The following SRGAP2C variants were observed in gnomAD, a reference collection of about 807,000 sequenced individuals.
SRGAP2C encodes SLIT-ROBO Rho GTPase activating protein 2C.
A neutral mutation model predicts 25.1 loss-of-function variants in SRGAP2C; 15 were observed. That is an observed-to-expected ratio of 0.60 (90% CI 0.40 to 0.92). The LOEUF is 0.92. Among genes scored for constraint, SRGAP2C ranks in the 40% least tolerant of loss-of-function variants. The pLI is 0.00. For synonymous variants in SRGAP2C, 44 were observed against 96.6 expected, an observed-to-expected ratio of 0.46 and a Z score of 3.19; for missense variants, 144 against 264.4, an observed-to-expected ratio of 0.54 and a Z score of 3.16.
At position 121,273,734 on chromosome 1, in the gene SRGAP2C, A is replaced by G. The variant is rs71661961; in HGVS notation, c.68-11069A>G. Among the ~76,000 whole-genome samples the G allele has an allele frequency of 7.9e-5, 12 of 151,958 alleles. No homozygotes were observed. The South Asian group carries it at 1.7e-3, about 21-fold the overall frequency. ...AGGAGGGAAAATATTTCATTCTTCA[A>G]TTTCTATCTCCTGTAGGTCAAAGTT... On this transcript the variant is annotated intron_variant, in intron 2 of 9. Transcript: ENST00000367123.
chr1:121,321,015 C>T (rs1262748437), intron 3 of SRGAP2C, among the ~76,000 whole-genome samples: 5 of 151,926 alleles, frequency 3.3e-5, no homozygotes, highest in East Asian at 1.9e-4. Flanking sequence ...CACACACAGG[C>T]GTGAATGAAA....
chr1:121,211,803 G>A (rs1553323817), intron 2 of SRGAP2C, among the ~76,000 whole-genome samples: 2 of 121,674 alleles, frequency 1.6e-5, no homozygotes, highest in Non-Finnish European at 3.4e-5. Flanking sequence ...ATTAATTACG[G>A]AAATGCCTCA....
intron 4 of SRGAP2C, among the ~76,000 whole-genome samples, chr1:121,335,307 C>T (rs1179082827): frequency 7.0e-6 from 1 of 143,642 alleles, no homozygotes; most frequent in East Asian, 2.2e-4. Flanking sequence ...TGCCACTGCA[C>T]TCCAGCCTGG....
At chr1:121,225,718 T>TC (rs1263631398) in intron 2 of SRGAP2C, among the ~76,000 whole-genome samples, 1 of 151,090 alleles carries the variant, frequency 6.6e-6, no homozygotes, top group Non-Finnish European at 1.5e-5. Context: ...TTTAAAACTT[T>TC]TTTTTTTTTT....
At chr1:121,220,213 G>GTTT (rs1655488241) in intron 2 of SRGAP2C, among the ~76,000 whole-genome samples, 1 of 151,856 alleles carries the variant, frequency 6.6e-6, no homozygotes, top group African/African-American at 2.4e-5. Flanking sequence ...TGCTGGCCAT[G>GTTT]GTAGGTAAAG....
chr1:121,320,754 A>T (rs1658183177), intron 3 of SRGAP2C, among the ~76,000 whole-genome samples: 1 of 152,184 alleles, frequency 6.6e-6, no homozygotes, highest in Admixed American at 6.5e-5. Context: ...TTTGTTTTAA[A>T]GTTGAGTCAC....
chr1:121,273,978 C>G (rs1213134424), intron 2 of SRGAP2C, among the ~76,000 whole-genome samples: 1 of 151,404 alleles, frequency 6.6e-6, no homozygotes, highest in African/African-American at 2.4e-5. Flanking sequence ...CAGACTGTTT[C>G]AGCCAGCAGC....
chr1:121,328,903 AAAC>A (rs1553341908), intron 4 of SRGAP2C, among the ~76,000 whole-genome samples: 32,291 of 105,066 alleles, frequency 0.31, 5,692 homozygotes, highest in Non-Finnish European at 0.38. Flanking sequence ...AAAAAAAAAA[AAAC>A]AAAAAACAAA....
chr1:121,308,170 C>A (rs1657886574), intron 3 of SRGAP2C, among the ~76,000 whole-genome samples: 2 of 111,060 alleles, frequency 1.8e-5, no homozygotes, highest in African/African-American at 6.5e-5. Context: ...AATGTAATAA[C>A]CACCACAATG....
At chr1:121,314,380 C>G (rs1245314176) in intron 3 of SRGAP2C, among the ~76,000 whole-genome samples, 88 of 151,990 alleles carry the variant, frequency 5.8e-4, no homozygotes, top group Non-Finnish European at 1.0e-3. Context: ...AATTTCCTCC[C>G]GTAGCTCAGA....
At chr1:121,213,149 G>T (rs1259505053) in intron 2 of SRGAP2C, among the ~76,000 whole-genome samples, 1 of 148,530 alleles carries the variant, frequency 6.7e-6, no homozygotes, top group Non-Finnish European at 1.5e-5. Context: ...AGGTTCAAAT[G>T]ATTTTTGTGC....
At chr1:121,190,032 G>C (rs1553319528) in intron 2 of SRGAP2C, among the ~76,000 whole-genome samples, 2 of 150,560 alleles carry the variant, frequency 1.3e-5, no homozygotes, top group African/African-American at 4.9e-5. Flanking sequence ...CTGGCGATTG[G>C]CCATACAGCT....
intron 4 of SRGAP2C, among the ~76,000 whole-genome samples, chr1:121,329,707 C>G (rs1365350431): frequency 1.3e-5 from 2 of 149,232 alleles, no homozygotes; most frequent in Non-Finnish European, 3.0e-5. Flanking sequence ...AAGGGAGGCT[C>G]CTTGCTAGCC....
chr1:121,301,164 AGAT>A (rs1337578038), intron 3 of SRGAP2C, among the ~76,000 whole-genome samples: 19 of 113,174 alleles, frequency 1.7e-4, no homozygotes, highest in Admixed American at 1.6e-3. Context: ...GTTTCCAGCC[AGAT>A]GATAAGTGCT....
At chr1:121,225,842 T>G (rs1655652957) in intron 2 of SRGAP2C, among the ~76,000 whole-genome samples, 1 of 140,610 alleles carries the variant, frequency 7.1e-6, no homozygotes, top group Middle Eastern at 3.5e-3. Context: ...GTAGCTGGGA[T>G]TACAGGCGCC....
In SRGAP2C at chr1:121,267,526, T is replaced by C; in HGVS notation, c.68-17277T>C. Among the ~76,000 whole-genome samples, 3 of 140,558 alleles carry C rather than the reference T, an allele frequency of 2.1e-5. No homozygotes were observed. In the Admixed American group the frequency reaches 2.2e-4, roughly 10 times the overall value. 92.2% of individuals were successfully genotyped at this position (140,558 alleles called of 152,430 possible). ...TTTTGGGTTTCAGGATGCCAACAGATCCTGGATTCTGGCATCTGGATTATG... is the reference window on the plus strand; with the variant it reads ...TTTTGGGTTTCAGGATGCCAACAGACCCTGGATTCTGGCATCTGGATTATG... On this transcript the variant is annotated intron_variant, in intron 2 of 9. Transcript: ENST00000367123.
chr1:121,340,712 C>T (rs1394287632), intron 4 of SRGAP2C, among the ~76,000 whole-genome samples: 5 of 151,290 alleles, frequency 3.3e-5, no homozygotes, highest in Admixed American at 6.6e-5. Flanking sequence ...AGAATTGGGC[C>T]GATGTTCTTT....
At chr1:121,261,156 T>TG (rs1656626252) in intron 2 of SRGAP2C, among the ~76,000 whole-genome samples, 2 of 47,116 alleles carry the variant, frequency 4.2e-5, no homozygotes, top group South Asian at 1.6e-3. Context: ...TTGCCCAGGC[T>TG]GGTCTCGAAC....
At chr1:121,231,654 G>C (rs1655823102) in intron 2 of SRGAP2C, among the ~76,000 whole-genome samples, 1 of 151,582 alleles carries the variant, frequency 6.6e-6, no homozygotes, top group East Asian at 1.9e-4. Flanking sequence ...CTGGGGGACT[G>C]TTTGGTCCAC....
Sources: gnomAD v4.1 joint callset for allele counts (sites outside exome capture counted in the v4.1 genomes callset) on GRCh38, gnomAD v4.1.1 for gene constraint, MANE v1.5 for transcripts, NCBI Gene and HGNC (gene_info 2026-07-23, HGNC 2026-07-21) for gene names.